BCKDHB: variants seen among roughly 807,000 people sequenced by gnomAD.
BCKDHB encodes the protein branched chain keto acid dehydrogenase E1 subunit beta.
BCKDHB carries 41 observed loss-of-function variants against 48.5 expected under a neutral mutation model. The observed-to-expected ratio is 0.85, with a 90% CI of 0.66 to 1.10. The LOEUF is 1.10. BCKDHB is among the 50% of genes least tolerant of loss of function. BCKDHB has a pLI of 0.00. For missense variants in BCKDHB, 496 were observed against 494.2 expected, an observed-to-expected ratio of 1.00 and a Z score of -0.03; for synonymous variants, 201 against 174.8, an observed-to-expected ratio of 1.15 and a Z score of -1.18.
At chr6:80,379,318 C>G in the BCKDHB span, among the ~76,000 whole-genome samples, 1 of 151,946 alleles carries the variant, frequency 6.6e-6, no homozygotes, top group Non-Finnish European at 1.5e-5. Flanking sequence ...ACCATATAAA[C>G]AGAACAAAGA....
chr6:80,143,875 T>C (rs1355215153), intron 3 of BCKDHB, among the ~76,000 whole-genome samples: 1 of 152,148 alleles, frequency 6.6e-6, no homozygotes, highest in Non-Finnish European at 1.5e-5. Context: ...TCTTGGAAAC[T>C]CTAGTATCTT....
At position 80,214,857 on chromosome 6, in the gene BCKDHB, C is replaced by G. The variant is rs1018423481; in HGVS notation, c.951+11645C>G. Reference sequence around the variant, plus strand: ...TTTTCTCTCTTCTTTTTCTCTAAACCTTTAGTTAAAAATGTAATCAAAGAC... The same window carrying G: ...TTTTCTCTCTTCTTTTTCTCTAAACGTTTAGTTAAAAATGTAATCAAAGAC... On this transcript the variant is annotated intron_variant, in intron 8 of 9. Transcript: ENST00000320393. 2.5e-4 allele frequency among the ~76,000 whole-genome samples: 38 copies of G among 151,928 alleles called. 1 individual carries two copies. The highest frequency in any genetic ancestry group is 8.8e-5 in the Non-Finnish European group (6 of 67,984).
chr6:80,138,521 C>T (rs994579956), intron 3 of BCKDHB, among the ~76,000 whole-genome samples: 2 of 151,912 alleles, frequency 1.3e-5, no homozygotes, highest in Non-Finnish European at 2.9e-5. Flanking sequence ...TCAATTCCCA[C>T]CTATGAGTGA....
intron 9 of BCKDHB, among the ~76,000 whole-genome samples, chr6:80,285,470 G>C (rs972871789): frequency 2.6e-5 from 4 of 152,032 alleles, no homozygotes; most frequent in African/African-American, 7.2e-5. Flanking sequence ...ACTGAGTCAT[G>C]GGAGCAACAG....
chr6:80,231,888 C>T (rs976719819), intron 8 of BCKDHB, among the ~76,000 whole-genome samples: 1 of 152,140 alleles, frequency 6.6e-6, no homozygotes. Context: ...TTGCTTGAAC[C>T]CAGCGGGCAG....
the BCKDHB span, among the ~76,000 whole-genome samples, chr6:80,419,295 T>C: frequency 4.3e-4 from 65 of 152,194 alleles, no homozygotes; most frequent in African/African-American, 1.5e-3. Context: ...ATGCTGTAGT[T>C]CTCTGCTGGT....
the BCKDHB span, among the ~76,000 whole-genome samples, chr6:80,420,005 C>T: frequency 5.9e-5 from 9 of 152,000 alleles, no homozygotes; most frequent in Admixed American, 5.9e-4. Flanking sequence ...TTTTTTATAG[C>T]TTCTATAAGC....
chr6:80,245,912 CA>C (rs1163485062), intron 8 of BCKDHB, among the ~76,000 whole-genome samples: 1 of 151,960 alleles, frequency 6.6e-6, no homozygotes, highest in South Asian at 2.1e-4. Flanking sequence ...ACCATCACTA[CA>C]AAAAAATACA....
chr6:80,232,582 G>GTA (rs914337767), intron 8 of BCKDHB, among the ~76,000 whole-genome samples: 18 of 149,482 alleles, frequency 1.2e-4, no homozygotes, highest in Non-Finnish European at 2.1e-4. Flanking sequence ...ATATGTATGT[G>GTA]TATATATATA....
chr6:80,370,780 TGTGTGTATATATAGC>T, the BCKDHB span, among the ~76,000 whole-genome samples: 13 of 44,612 alleles, frequency 2.9e-4, no homozygotes, highest in Non-Finnish European at 6.4e-4. Context: ...ATATAGCGTG[TGTGTGTATATATAGC>T]GTGTGTGTGT....
chr6:80,324,146 A>G (rs1220501858), intron 9 of BCKDHB, among the ~76,000 whole-genome samples: 2 of 152,202 alleles, frequency 1.3e-5, no homozygotes, highest in Non-Finnish European at 2.9e-5. Context: ...GAAAAAAATC[A>G]CTGAATTAAG....
chr6:80,432,522 C>T, the BCKDHB span, among the ~76,000 whole-genome samples: 235 of 152,160 alleles, frequency 1.5e-3, 3 homozygotes, highest in African/African-American at 5.3e-3. Context: ...CTGTGTTTTT[C>T]GGCTCCATCT....
intron 8 of BCKDHB, among the ~76,000 whole-genome samples, chr6:80,254,456 G>T (rs1776965760): frequency 6.6e-6 from 1 of 152,072 alleles, no homozygotes; most frequent in Non-Finnish European, 1.5e-5. Context: ...AGCACTTTGA[G>T]AGGCCGAAGC....
At chr6:80,276,567 G>T (rs868025872) in intron 9 of BCKDHB, among the ~76,000 whole-genome samples, 5 of 151,746 alleles carry the variant, frequency 3.3e-5, no homozygotes, top group Admixed American at 3.3e-4. Context: ...TGAAAGAAAT[G>T]AATATAAGAT....
In BCKDHB at chr6:80,291,839, A is replaced by C. The variant is rs146174564; in HGVS notation, c.1038+18618A>C. Among the ~76,000 whole-genome samples, 130 of 152,336 alleles carry C rather than the reference A, an allele frequency of 8.5e-4. 1 individual carries two copies. The highest frequency in any genetic ancestry group is 2.9e-3 in the African/African-American group (120 of 41,572). ...TCAGTTTTATATTTTTACTAAAGAC[A>C]TAGTGGTAAGACCAAGTTGTTTTAT... is the stretch of plus-strand genomic sequence containing the variant. On this transcript the variant is annotated intron_variant, in intron 9 of 9. Coordinates refer to ENST00000320393, the MANE Select transcript of BCKDHB (RefSeq NM_183050.4).
intron 8 of BCKDHB, among the ~76,000 whole-genome samples, chr6:80,233,665 A>G (rs984362825): frequency 1.3e-5 from 2 of 152,128 alleles, no homozygotes; most frequent in African/African-American, 2.4e-5. Context: ...TTTGCATTTT[A>G]TCTACTTTGC....
At chr6:80,151,287 ATTTG>A (rs897224404) in intron 3 of BCKDHB, among the ~76,000 whole-genome samples, 7 of 152,164 alleles carry the variant, frequency 4.6e-5, no homozygotes, top group African/African-American at 9.6e-5. Flanking sequence ...GATGTGTAAG[ATTTG>A]TTTGTTATAA....
chr6:80,431,156 C>T, the BCKDHB span, among the ~76,000 whole-genome samples: 14 of 152,250 alleles, frequency 9.2e-5, no homozygotes, highest in Admixed American at 3.9e-4. Context: ...ATCCTGAGTT[C>T]TAATTTGATT....
chr6:80,146,617 G>C (rs1771501524), intron 3 of BCKDHB, among the ~76,000 whole-genome samples: 2 of 152,118 alleles, frequency 1.3e-5, no homozygotes, highest in African/African-American at 4.8e-5. Flanking sequence ...TGGAAAAACA[G>C]AATCTGGAGT....
Sources: gnomAD v4.1 joint callset for allele counts (sites outside exome capture counted in the v4.1 genomes callset) on GRCh38, gnomAD v4.1.1 for gene constraint, MANE v1.5 for transcripts, NCBI Gene and HGNC (gene_info 2026-07-23, HGNC 2026-07-21) for gene names.